SYT1: variants seen among roughly 807,000 people sequenced by gnomAD.
SYT1 encodes synaptotagmin-1.
A neutral mutation model predicts 44.8 loss-of-function variants in SYT1; 8 were observed. The ratio of observed to expected loss-of-function variants is 0.18; its 90% CI spans 0.10 to 0.32. The LOEUF (loss-of-function observed/expected upper bound fraction) is 0.32, where lower values mean the gene tolerates loss of function less well. Among genes scored for constraint, SYT1 ranks in the 10% least tolerant of loss-of-function variants. The probability of loss-of-function intolerance (pLI) is 1.00; values close to 1 mark genes in which losing one functional copy is unlikely to be tolerated. For synonymous variants in SYT1, 154 were observed against 188.8 expected, an observed-to-expected ratio of 0.82 and a Z score of 1.51; for missense variants, 286 against 509.3, an observed-to-expected ratio of 0.56 and a Z score of 4.22.
rs764128158 is a variant in SYT1, at chr12:79,250,492, C to A, written c.166+32807C>A. ...ATATTTCAAATTTGAGGGTAATTAC[C>A]GTGCACAACTTTGGTATATCTCTGC... On this transcript the variant is annotated intron_variant, in intron 4 of 10. Transcript: ENST00000261205. Among the ~76,000 whole-genome samples the A allele has an allele frequency of 2.0e-5, 3 of 152,126 alleles. No homozygotes were observed. In the South Asian group the frequency reaches 6.2e-4, roughly 31 times the overall value.
intron 4 of SYT1, among the ~76,000 whole-genome samples, chr12:79,256,629 T>C (rs1167083607): frequency 2.0e-5 from 3 of 151,536 alleles, no homozygotes; most frequent in African/African-American, 7.2e-5. Flanking sequence ...GGTTGGTCAA[T>C]AACTCAAAAC....
intron 2 of SYT1, among the ~76,000 whole-genome samples, chr12:78,991,518 T>C (rs1416173846): frequency 6.6e-6 from 1 of 152,122 alleles, no homozygotes; most frequent in African/African-American, 2.4e-5. Flanking sequence ...TTGGATTTTA[T>C]ACATAAAAGT....
chr12:79,094,105 TG>T (rs1877960567), intron 3 of SYT1, among the ~76,000 whole-genome samples: 1 of 151,750 alleles, frequency 6.6e-6, no homozygotes, highest in Non-Finnish European at 1.5e-5. Context: ...ATATCTTATT[TG>T]GAAATGATCT....
chr12:79,423,778 C>G (rs1040233477), intron 9 of SYT1, among the ~76,000 whole-genome samples: 5 of 151,686 alleles, frequency 3.3e-5, no homozygotes, highest in Admixed American at 6.6e-5. Flanking sequence ...GAAATCTAGT[C>G]CCTCTCCTAA....
chr12:78,952,975 C>T (rs185118548), intron 1 of SYT1, among the ~76,000 whole-genome samples: 1 of 152,016 alleles, frequency 6.6e-6, no homozygotes, highest in Admixed American at 6.6e-5. Flanking sequence ...ACCAAGAGGG[C>T]AAAATTTTTT....
intron 8 of SYT1, among the ~76,000 whole-genome samples, chr12:79,312,769 A>ATT (rs34469793): frequency 0.053 from 6,248 of 116,920 alleles, 381 homozygotes; most frequent in African/African-American, 0.087. Context: ...AAGGGGCTGC[A>ATT]TTTTTTTTTT....
chr12:79,162,750 A>C (rs993612461), intron 3 of SYT1, among the ~76,000 whole-genome samples: 3 of 152,260 alleles, frequency 2.0e-5, no homozygotes, highest in Middle Eastern at 3.4e-3. Context: ...CTTACAAAGA[A>C]GCAGCAATTT....
chr12:79,096,713 A>G (rs1292139039), intron 3 of SYT1, among the ~76,000 whole-genome samples: 1 of 152,058 alleles, frequency 6.6e-6, no homozygotes, highest in Non-Finnish European at 1.5e-5. Flanking sequence ...AGGAAGAATC[A>G]TGAAAGATCA....
At chr12:78,989,740 G>C (rs1004276289) in intron 2 of SYT1, among the ~76,000 whole-genome samples, 8 of 152,066 alleles carry the variant, frequency 5.3e-5, no homozygotes, top group African/African-American at 1.7e-4. Context: ...CTAAAATTGA[G>C]AGGACAAGTA....
At chr12:79,374,383 G>A (rs1334522863) in intron 9 of SYT1, among the ~76,000 whole-genome samples, 2 of 152,066 alleles carry the variant, frequency 1.3e-5, no homozygotes, top group Non-Finnish European at 2.9e-5. Context: ...AGAAAAAGAT[G>A]ATATCATGTT....
Position 79,048,845 on chromosome 12 carries a change from A to T in SYT1, c.-18+1483A>T, listed in dbSNP as rs1201338884. Among the ~76,000 whole-genome samples the T allele has an allele frequency of 3.9e-5, 6 of 151,924 alleles. No individual in the cohort carries two copies. In the East Asian group the frequency reaches 1.2e-3, roughly 29 times the overall value. On this transcript the variant is annotated intron_variant, in intron 3 of 10. Coordinates refer to ENST00000261205, the MANE Select transcript of SYT1 (RefSeq NM_005639.3). Reference sequence around the variant, plus strand: ...AATAAGTGAGAAATTTCTTTTTGACATAGAAATTTTTTATCATCTTAATAC... The same window carrying T: ...AATAAGTGAGAAATTTCTTTTTGACTTAGAAATTTTTTATCATCTTAATAC...
At chr12:79,010,193 A>G (rs2137567818) in intron 2 of SYT1, among the ~76,000 whole-genome samples, 1 of 152,278 alleles carries the variant, frequency 6.6e-6, no homozygotes, top group Admixed American at 6.6e-5. Flanking sequence ...TAGAATTGAA[A>G]AGAGACCATG....
chr12:78,901,279 A>AT (rs920747467), intron 1 of SYT1, among the ~76,000 whole-genome samples: 14 of 152,036 alleles, frequency 9.2e-5, no homozygotes, highest in Admixed American at 7.9e-4. Context: ...CTCCTAAAAT[A>AT]TTTTTTTCCA....
chr12:79,036,825 A>G (rs1423403542), intron 2 of SYT1, among the ~76,000 whole-genome samples: 1 of 151,768 alleles, frequency 6.6e-6, no homozygotes, highest in Non-Finnish European at 1.5e-5. Context: ...GAGAGTGTTC[A>G]CAATGGCCCA....
intron 3 of SYT1, among the ~76,000 whole-genome samples, chr12:79,081,185 C>G (rs1174806176): frequency 1.3e-5 from 2 of 152,106 alleles, no homozygotes; most frequent in African/African-American, 2.4e-5. Flanking sequence ...TGCATGTGTA[C>G]GTGTGTGTGC....
At chr12:79,298,864 A>G (rs1199848649) in intron 7 of SYT1, among the ~76,000 whole-genome samples, 2 of 152,152 alleles carry the variant, frequency 1.3e-5, no homozygotes, top group Non-Finnish European at 2.9e-5. Context: ...GCACTTGTGA[A>G]TATCATTTCA....
intron 9 of SYT1, among the ~76,000 whole-genome samples, chr12:79,432,755 A>G (rs1869872534): frequency 1.3e-5 from 2 of 152,138 alleles, no homozygotes; most frequent in South Asian, 4.1e-4. Flanking sequence ...CTGGGATTAC[A>G]GGCGTGTACA....
At chr12:79,089,839 T>TA (rs1194308419) in intron 3 of SYT1, among the ~76,000 whole-genome samples, 23 of 152,232 alleles carry the variant, frequency 1.5e-4, no homozygotes, top group African/African-American at 5.5e-4. Flanking sequence ...AAATACACTG[T>TA]AGTAGTTTCT....
In SYT1 at chr12:79,033,853, T is replaced by C. The variant is rs188386129; in HGVS notation, c.-83-13444T>C. Among the ~76,000 whole-genome samples the C allele has an allele frequency of 3.4e-3, 510 of 151,622 alleles. 3 individuals carry two copies. Among genetic ancestry groups the C allele is most frequent in the Non-Finnish European group, 2.9e-3 (197 of 67,640 alleles). ...ATATAACATATCTTACCCATCTCTC[T>C]AGTACTTACCTCTTCACTTAGATTT... On this transcript the variant is annotated intron_variant, in intron 2 of 10. Coordinates refer to ENST00000261205, the MANE Select transcript of SYT1 (RefSeq NM_005639.3).
Sources: allele counts gnomAD v4.1 joint callset (sites outside exome capture counted in the v4.1 genomes callset), GRCh38; gene constraint gnomAD v4.1.1; transcripts MANE v1.5; gene names NCBI Gene and HGNC (gene_info 2026-07-23, HGNC 2026-07-21).